SLC13A4: variants seen among roughly 807,000 people sequenced by gnomAD.
SLC13A4 encodes the protein solute carrier family 13 member 4, also known as Na(+)/sulfate cotransporter SUT-1.
In SLC13A4, 28 loss-of-function variants were observed where a neutral mutation model predicts 72.7. The observed-to-expected ratio is 0.39, with a 90% confidence interval of 0.29 to 0.53. The LOEUF (loss-of-function observed/expected upper bound fraction) is 0.53. SLC13A4 is among the 20% of genes least tolerant of loss of function. The pLI is 0.78. For synonymous variants in SLC13A4, 312 were observed against 325.5 expected (o/e 0.96, Z 0.45); for missense variants, 653 against 788.0 (o/e 0.83, Z 2.05).
intron 2 of SLC13A4, among the ~76,000 whole-genome samples, chr7:135,713,430 T>C (rs1229941634): frequency 6.6e-6 from 1 of 152,160 alleles, no homozygotes; most frequent in African/African-American, 2.4e-5. Flanking sequence ...TTACCTGCTA[T>C]TGGACAAGCT....
At chr7:135,694,298 A>AAT in intron 9 of SLC13A4, 60 bp from the exon 10 acceptor site, 1 of 1,039,688 alleles carries the variant, frequency 9.6e-7, no homozygotes, top group East Asian at 2.4e-5. Flanking sequence ...CCAGAGATCA[A>AAT]ATATTAGGTA....
intron 1 of SLC13A4, 103 bp downstream of exon 1, chr7:135,727,295 C>G: frequency 2.1e-6 from 3 of 1,415,368 alleles, no homozygotes; most frequent in Non-Finnish European, 2.8e-6. Flanking sequence ...CACCACAAGC[C>G]ACTTTGAGGG....
At chr7:135,707,855 T>C (rs1584732232) in intron 3 of SLC13A4, 3 of 369,464 alleles carry the variant, frequency 8.1e-6, no homozygotes, top group Non-Finnish European at 9.7e-6. Context: ...GGCCCCTATA[T>C]GTTGTAAGCT....
intron 13 of SLC13A4, among the ~76,000 whole-genome samples, chr7:135,686,977 A>C (rs1469740219): frequency 6.6e-6 from 1 of 152,192 alleles, no homozygotes; most frequent in East Asian, 1.9e-4. Flanking sequence ...GAATTGCTTG[A>C]ACCCGGGAGG....
At chr7:135,686,886 A>T (rs1795639623) in intron 13 of SLC13A4, among the ~76,000 whole-genome samples, 1 of 152,052 alleles carries the variant, frequency 6.6e-6, no homozygotes, top group South Asian at 2.1e-4. Flanking sequence ...GTGAAAGCCC[A>T]CCTTTACTAA....
intron 4 of SLC13A4, 32 bp from the exon 5 acceptor site, chr7:135,705,682 A>C (rs372680569): frequency 1.7e-5 from 27 of 1,605,382 alleles, no homozygotes; most frequent in Non-Finnish European, 2.3e-5. Flanking sequence ...AGTATGTGAG[A>C]GGTGGAGGCT....
chr7:135,719,682 A>G (rs1370278195), intron 2 of SLC13A4, among the ~76,000 whole-genome samples: 1 of 152,024 alleles, frequency 6.6e-6, no homozygotes, highest in Non-Finnish European at 1.5e-5. Flanking sequence ...TCCCCACGAT[A>G]TTGGGGTTGT....
intron 13 of SLC13A4, among the ~76,000 whole-genome samples, chr7:135,689,218 G>A (rs1795717768): frequency 6.6e-6 from 1 of 151,814 alleles, no homozygotes; most frequent in African/African-American, 2.4e-5. Flanking sequence ...AATCTTGCCA[G>A]GCCAATCTTG....
intron 2 of SLC13A4, among the ~76,000 whole-genome samples, chr7:135,715,417 A>G (rs879261870): frequency 5.4e-5 from 4 of 73,606 alleles, no homozygotes; most frequent in East Asian, 4.4e-4. Context: ...GAGTGTGTGT[A>G]TGAGTGTGTG....
At position 135,719,614 on chromosome 7, in the gene SLC13A4, A is replaced by T. The variant is rs3110815; in HGVS notation, c.228+1781T>A. 3.3e-5 allele frequency among the ~76,000 whole-genome samples: 5 copies of T among 151,926 alleles called. No individual in the cohort carries two copies. In the East Asian group the frequency reaches 5.8e-4, roughly 18 times the overall value. On this transcript the variant is annotated intron_variant, in intron 2 of 15. Coordinates refer to ENST00000682651, the MANE Select transcript of SLC13A4 (RefSeq NM_001318192.2). ...ACCTATTCTTTTTTCACGAAAGAAG[A>T]GGGGGCAATTAGAACAACTGCCTGG...
chr7:135,691,176 CAAA>C (rs201222459), intron 13 of SLC13A4, 22 bp downstream of exon 13: 3 of 1,415,536 alleles, frequency 2.1e-6, no homozygotes, highest in Non-Finnish European at 2.9e-6. Flanking sequence ...AAAAAAACCC[CAAA>C]AAAACAGAAT....
chr7:135,715,667 C>G (rs549551414), intron 2 of SLC13A4, among the ~76,000 whole-genome samples: 1 of 152,302 alleles, frequency 6.6e-6, no homozygotes, highest in South Asian at 2.1e-4. Flanking sequence ...TCTACTTCAC[C>G]GGAGAGCCCT....
chr7:135,724,233 G>C (rs1270069281), intron 1 of SLC13A4, among the ~76,000 whole-genome samples: 2 of 152,192 alleles, frequency 1.3e-5, no homozygotes, highest in African/African-American at 4.8e-5. Flanking sequence ...GAGGAAAAGA[G>C]CCTGTAATCC....
chr7:135,706,323 G>T, intron 3 of SLC13A4, 23 bp from the exon 4 acceptor site: 1 of 1,585,120 alleles, frequency 6.3e-7, no homozygotes, highest in Non-Finnish European at 8.6e-7. Flanking sequence ...GAGGGTTGGG[G>T]CAGAGCGTCC....
intron 10 of SLC13A4, chr7:135,693,470 T>G (rs1405200510): frequency 6.2e-5 from 1 of 16,132 alleles, no homozygotes; most frequent in Non-Finnish European, 1.0e-4. Flanking sequence ...CAATTTTGAT[T>G]TTTTTTCTTA....
intron 10 of SLC13A4, chr7:135,692,634 C>T: frequency 1.8e-6 from 1 of 549,536 alleles, no homozygotes; most frequent in Non-Finnish European, 3.2e-6. Context: ...CCTGGAGAAA[C>T]TTCAGTAGAA....
intron 1 of SLC13A4, among the ~76,000 whole-genome samples, chr7:135,725,362 A>G (rs1200117909): frequency 2.0e-5 from 3 of 152,188 alleles, no homozygotes; most frequent in Non-Finnish European, 4.4e-5. Flanking sequence ...TAAAAAATTT[A>G]GCTTGGGCAG....
chr7:135,709,982 TA>T (rs920461737), intron 2 of SLC13A4, among the ~76,000 whole-genome samples: 4 of 152,162 alleles, frequency 2.6e-5, no homozygotes, highest in Admixed American at 6.5e-5. Context: ...TAACACCTAG[TA>T]GAATAATATG....
chr7:135,703,205 A>G (rs3112348), intron 5 of SLC13A4: 88,330 of 332,722 alleles, frequency 0.27, 14,056 homozygotes, highest in East Asian at 0.51. Context: ...GACATTGTTA[A>G]TCCTCATCAC....
Sources: gnomAD v4.1 joint callset for allele counts (sites outside exome capture counted in the v4.1 genomes callset) on GRCh38, gnomAD v4.1.1 for gene constraint, MANE v1.5 for transcripts, NCBI Gene and HGNC (gene_info 2026-07-23, HGNC 2026-07-21) for gene names.